SP140L: variants seen among roughly 807,000 people sequenced by gnomAD.
The protein encoded by SP140L is SP140 like nuclear body protein, also known as nuclear body protein SP140-like protein.
In SP140L, 64 loss-of-function variants were observed where a neutral mutation model predicts 84.3. The observed-to-expected ratio is 0.76, with a 90% CI of 0.62 to 0.94. The LOEUF is 0.94. SP140L is among the 40% of genes least tolerant of loss of function. The probability of loss-of-function intolerance (pLI) is 0.00; values close to 1 mark genes in which losing one functional copy is unlikely to be tolerated. For synonymous variants in SP140L, 242 were observed against 236.9 expected (o/e 1.02, Z -0.20); for missense variants, 628 against 692.5 (o/e 0.91, Z 1.05).
In SP140L at chr2:230,357,833, G is replaced by A; in HGVS notation, c.136G>A (p.Glu46Lys). ...RLFTEDQDVD[E>K]GLVYDTVFKH... ...GTTCACGGAAGACCAGGATGTAGAT[G>A]AGGGACTTGTCTATGACACTGTATT... Residue 46 changes from glutamate (E) to lysine (K), a missense_variant, in exon 3 of 19, where the codon GAG becomes AAG. Transcript: ENST00000415673. 6.2e-7 allele frequency: 1 copy of A among 1,613,196 alleles called. No individual in the cohort carries two copies. The highest frequency in any genetic ancestry group is 8.5e-7 in the Non-Finnish European group (1 of 1,179,700).
In SP140L at chr2:230,359,106, T is replaced by C. The variant is rs2060637354; in HGVS notation, c.413T>C (p.Ile138Thr). ...AACATGCAGGAATACCCCGATTTAA[T>C]TCACATTTATAAAAGCTTCAAAAAT... ...EVNMQEYPDL[I>T]HIYKSFKNAI... The change falls in exon 4 of 19, where the codon ATT (isoleucine) becomes ACT (threonine). Residue 138 changes from isoleucine to threonine, a missense_variant. Transcript: ENST00000415673. 3 of 1,604,504 alleles carry C rather than the reference T, an allele frequency of 1.9e-6. No individual in the cohort carries two copies. Among genetic ancestry groups the C allele is most frequent in the African/African-American group, 2.7e-5 (2 of 74,276 alleles).
chr2:230,359,635 C>T (rs2060652607), intron 4 of SP140L, among the ~76,000 whole-genome samples: 2 of 152,030 alleles, frequency 1.3e-5, no homozygotes. Flanking sequence ...TAAGAGTTAT[C>T]AGTTGAAGGA....
chr2:230,339,969 T>G (rs1178413673), intron 2 of SP140L, among the ~76,000 whole-genome samples: 1 of 150,940 alleles, frequency 6.6e-6, no homozygotes, highest in African/African-American at 2.5e-5. Flanking sequence ...TATATTCTGT[T>G]GATTTGGGGT....
rs899688266 is a variant in SP140L at position 230,400,107 on chromosome 2, G to C, written c.1198-20G>C. On this transcript the variant is annotated intron_variant, in intron 14 of 18. Transcript: ENST00000415673. Reference sequence around the variant, plus strand: ...GAATCTTGTGATTCCCAGTGACGTGGACACTGTTTTACCTTCTAGATGAGA... The same window carrying C: ...GAATCTTGTGATTCCCAGTGACGTGCACACTGTTTTACCTTCTAGATGAGA... The C allele has an allele frequency of 5.0e-6, 8 of 1,613,498 alleles. No homozygotes were observed. The highest frequency in any genetic ancestry group is 5.9e-6 in the Non-Finnish European group (7 of 1,179,718).
intron 12 of SP140L, 139 bp downstream of exon 12, chr2:230,392,368 G>T (rs955943073): frequency 7.4e-7 from 1 of 1,353,852 alleles, no homozygotes. Flanking sequence ...ACTCAGGAGA[G>T]AGGGACCCCA....
At chr2:230,368,063 C>G (rs2060943728) in intron 5 of SP140L, among the ~76,000 whole-genome samples, 1 of 152,196 alleles carries the variant, frequency 6.6e-6, no homozygotes, top group Admixed American at 6.5e-5. Context: ...CTTATTTTAA[C>G]CGTGAATTTT....
intron 7 of SP140L, among the ~76,000 whole-genome samples, chr2:230,373,494 A>G (rs2061151857): frequency 6.6e-6 from 1 of 152,190 alleles, no homozygotes; most frequent in Admixed American, 6.5e-5. Context: ...TGTGCTCTAT[A>G]ATTGGAATAA....
In SP140L at chr2:230,386,961, C is replaced by G. The variant is rs75383285; in HGVS notation, c.785-1598C>G. On this transcript the variant is annotated intron_variant, in intron 9 of 18. Transcript: ENST00000415673. ...ATCTATTCTCACTGTACGGTGAGTGCGGACCCTCAGGAGAGGAGGGAGGGG... is the reference window on the plus strand; with the variant it reads ...ATCTATTCTCACTGTACGGTGAGTGGGGACCCTCAGGAGAGGAGGGAGGGG... Among the ~76,000 whole-genome samples the G allele has an allele frequency of 5.3e-3, 803 of 152,250 alleles. 3 individuals are homozygous for G. Among genetic ancestry groups the G allele is most frequent in the Admixed American group, 9.3e-3 (142 of 15,286 alleles).
At chr2:230,376,370 T>C (rs2061241023) in intron 7 of SP140L, among the ~76,000 whole-genome samples, 1 of 152,158 alleles carries the variant, frequency 6.6e-6, no homozygotes, top group Admixed American at 6.5e-5. Flanking sequence ...ACCAAAAAAC[T>C]GTTGGAACTA....
chr2:230,337,852 A>G (rs1025990661), intron 2 of SP140L, among the ~76,000 whole-genome samples: 3 of 152,082 alleles, frequency 2.0e-5, no homozygotes, highest in African/African-American at 7.2e-5. Context: ...CCGTTGATCT[A>G]TATCTCCGTT....
At chr2:230,342,395 C>G (rs1047070917) in intron 2 of SP140L, among the ~76,000 whole-genome samples, 7 of 152,246 alleles carry the variant, frequency 4.6e-5, no homozygotes, top group African/African-American at 1.7e-4. Context: ...CACTGTCTGG[C>G]ACTCTCTAGT....
intron 2 of SP140L, among the ~76,000 whole-genome samples, chr2:230,351,914 T>C (rs1391969232): frequency 1.3e-5 from 2 of 152,220 alleles, no homozygotes; most frequent in Non-Finnish European, 1.5e-5. Context: ...CCCAGAGTGC[T>C]GGGACTACAG....
At chr2:230,331,058 G>T (rs1003424420) in intron 2 of SP140L, among the ~76,000 whole-genome samples, 3 of 152,042 alleles carry the variant, frequency 2.0e-5, no homozygotes, top group African/African-American at 4.8e-5. Context: ...AAGCACATGA[G>T]GATTGATGCT....
chr2:230,339,476 T>A (rs2059973041), intron 2 of SP140L, among the ~76,000 whole-genome samples: 1 of 151,738 alleles, frequency 6.6e-6, no homozygotes, highest in Non-Finnish European at 1.5e-5. Context: ...TTTGAAGGGT[T>A]TTTTGTGTCT....
At chr2:230,342,408 G>A (rs1053803005) in intron 2 of SP140L, among the ~76,000 whole-genome samples, 1 of 152,228 alleles carries the variant, frequency 6.6e-6, no homozygotes, top group Non-Finnish European at 1.5e-5. Context: ...TCTCTAGTGA[G>A]ATGAACCCAG....
chr2:230,348,130 C>T (rs570693714), intron 2 of SP140L, among the ~76,000 whole-genome samples: 1 of 152,210 alleles, frequency 6.6e-6, no homozygotes, highest in Non-Finnish European at 1.5e-5. Flanking sequence ...CTCAGGAAAA[C>T]CCTCTTGATA....
chr2:230,369,927 C>A (rs1052187737), intron 5 of SP140L, among the ~76,000 whole-genome samples: 2 of 151,862 alleles, frequency 1.3e-5, no homozygotes, highest in Non-Finnish European at 2.9e-5. Flanking sequence ...GCGCACGCCA[C>A]CACACCCAGC....
intron 7 of SP140L, among the ~76,000 whole-genome samples, chr2:230,379,164 C>A (rs1454324295): frequency 2.0e-5 from 3 of 152,178 alleles, no homozygotes; most frequent in African/African-American, 7.2e-5. Flanking sequence ...TTAGCTTTTG[C>A]AATTTTATCT....
intron 11 of SP140L, 103 bp from the exon 12 acceptor site, chr2:230,391,984 C>A (rs2061829459): frequency 4.6e-6 from 7 of 1,512,378 alleles, no homozygotes; most frequent in Non-Finnish European, 6.3e-6. Flanking sequence ...TGCTATTGAT[C>A]TTCATCACAA....
Sources: gnomAD v4.1 joint callset for allele counts (sites outside exome capture counted in the v4.1 genomes callset) on GRCh38, gnomAD v4.1.1 for gene constraint, MANE v1.5 for transcripts, NCBI Gene and HGNC (gene_info 2026-07-23, HGNC 2026-07-21) for gene names.